Variants in MAST4 observed in about 807,000 individuals in gnomAD.
MAST4 encodes microtubule-associated serine/threonine-protein kinase 4.
In MAST4, 89 loss-of-function variants were observed where a neutral mutation model predicts 162.7. That is an observed-to-expected ratio of 0.55 (90% CI 0.46 to 0.65). MAST4 has a LOEUF of 0.65. Among genes scored for constraint, MAST4 ranks in the 30% least tolerant of loss-of-function variants. The pLI is 0.00. For missense variants in MAST4, 3,153 were observed against 3,374.0 expected, an observed-to-expected ratio of 0.93 and a Z score of 1.62; for synonymous variants, 1,479 against 1,361.1, an observed-to-expected ratio of 1.09 and a Z score of -1.91.
intron 14 of MAST4, among the ~76,000 whole-genome samples, chr5:67,122,113 T>C (rs1767664376): frequency 6.6e-6 from 1 of 152,188 alleles, no homozygotes; most frequent in South Asian, 2.1e-4. Context: ...TTTAGAAGGG[T>C]AATTAATGCA....
intron 4 of MAST4, among the ~76,000 whole-genome samples, chr5:66,913,855 C>CGG (rs1763934208): frequency 2.0e-5 from 3 of 152,198 alleles, no homozygotes; most frequent in Non-Finnish European, 2.9e-5. Flanking sequence ...TCTGCATACA[C>CGG]GTCTCTAATC....
intron 1 of MAST4, among the ~76,000 whole-genome samples, chr5:66,694,057 A>G (rs1264523307): frequency 1.3e-5 from 2 of 152,232 alleles, no homozygotes; most frequent in African/African-American, 4.8e-5. Flanking sequence ...TACAGAGAAG[A>G]TTAAGTTCAA....
At position 67,162,753 on chromosome 5, in the gene MAST4, C is replaced by T; in HGVS notation, c.3932C>T (p.Thr1311Ile). 1 of 1,613,904 alleles carries T rather than the reference C, an allele frequency of 6.2e-7. No homozygotes were observed. Among genetic ancestry groups the T allele is most frequent in the Non-Finnish European group, 8.5e-7 (1 of 1,179,870 alleles). The change falls in exon 28 of 29, where the codon ACA (threonine) becomes ATA (isoleucine). Residue 1311 changes from threonine (T) to isoleucine (I), a missense_variant. Physicochemically the swap from Thr to Ile is moderately conservative, Grantham distance 89 (BLOSUM62 -1). Transcript: ENST00000403625. ...CATAGCTTGTCTCCCCGGTCTCCAA[C>T]ACCAAGCTACCGCTCCACCCCTGAC... ...PTHSLSPRSP[T>I]PSYRSTPDFP... is the part of the protein sequence containing the mutation.
At chr5:66,992,934 T>C (rs1411384859) in intron 4 of MAST4, among the ~76,000 whole-genome samples, 1 of 152,188 alleles carries the variant, frequency 6.6e-6, no homozygotes, top group Non-Finnish European at 1.5e-5. Flanking sequence ...TGGCTGTGTG[T>C]GTTGATCATG....
At chr5:66,865,139 G>A (rs1760414108) in intron 3 of MAST4, among the ~76,000 whole-genome samples, 1 of 152,218 alleles carries the variant, frequency 6.6e-6, no homozygotes, top group Non-Finnish European at 1.5e-5. Context: ...AAACACTGGG[G>A]AAGGTGGATT....
intron 4 of MAST4, among the ~76,000 whole-genome samples, chr5:67,032,661 C>G (rs1351896336): frequency 2.0e-5 from 3 of 152,094 alleles, no homozygotes; most frequent in Admixed American, 6.6e-5. Flanking sequence ...TCTGGTCTGT[C>G]TGGATCAGTG....
intron 4 of MAST4, among the ~76,000 whole-genome samples, chr5:66,944,976 T>G (rs1490357325): frequency 6.6e-6 from 1 of 152,144 alleles, no homozygotes; most frequent in African/African-American, 2.4e-5. Context: ...TCATATCCCA[T>G]CCTTTCCACA....
chr5:66,892,416 G>A (rs1255943064), intron 3 of MAST4, among the ~76,000 whole-genome samples: 1 of 152,090 alleles, frequency 6.6e-6, no homozygotes, highest in African/African-American at 2.4e-5. Flanking sequence ...GTCTGGCACA[G>A]CACCAGCCAT....
At chr5:66,781,219 A>G (rs1298273917) in intron 2 of MAST4, among the ~76,000 whole-genome samples, 1 of 152,176 alleles carries the variant, frequency 6.6e-6, no homozygotes, top group Admixed American at 6.5e-5. Context: ...CAGAAGTGAG[A>G]TTAAGCAAGG....
chr5:67,074,381 A>G (rs895184105), intron 5 of MAST4, among the ~76,000 whole-genome samples: 1 of 152,208 alleles, frequency 6.6e-6, no homozygotes, highest in African/African-American at 2.4e-5. Flanking sequence ...GCAGCTTGAT[A>G]CTTTATGTCA....
intron 14 of MAST4, among the ~76,000 whole-genome samples, chr5:67,121,962 C>T (rs1767648159): frequency 6.6e-6 from 1 of 151,880 alleles, no homozygotes; most frequent in South Asian, 2.1e-4. Context: ...TTAACTCCTA[C>T]ACCAGGATTT....
intron 4 of MAST4, among the ~76,000 whole-genome samples, chr5:66,949,640 T>C (rs913273357): frequency 1.3e-5 from 2 of 152,194 alleles, no homozygotes; most frequent in Non-Finnish European, 2.9e-5. Flanking sequence ...AGTATTTAAT[T>C]ATTTTGGTCA....
At position 67,007,939 on chromosome 5, in the gene MAST4, C is replaced by A. The variant is rs573346993; in HGVS notation, c.675-46465C>A. 2.0e-5 allele frequency among the ~76,000 whole-genome samples: 3 copies of A among 152,326 alleles called. No individual in the cohort carries two copies. In the South Asian group the frequency reaches 6.2e-4, roughly 32 times the overall value. On this transcript the variant is annotated intron_variant, in intron 4 of 28. Coordinates refer to ENST00000403625, the MANE Select transcript of MAST4 (RefSeq NM_001164664.2). ...TCAAAGATGACACAGTACTGATGAA[C>A]TGAAAGACTCTGTCCCTTGTGCTAC...
At chr5:66,791,215 C>T (rs778582998) in intron 3 of MAST4, among the ~76,000 whole-genome samples, 9 of 152,096 alleles carry the variant, frequency 5.9e-5, no homozygotes, top group Non-Finnish European at 8.8e-5. Flanking sequence ...GTAGAGACGG[C>T]GTTTTGCCAC....
intron 16 of MAST4, 47 bp from the exon 17 acceptor site, chr5:67,133,467 C>G: frequency 6.3e-7 from 1 of 1,592,340 alleles, no homozygotes; most frequent in Non-Finnish European, 8.6e-7. Context: ...AAATAGATAA[C>G]CAGCTTATAA....
intron 7 of MAST4, 38 bp downstream of exon 7, chr5:67,095,713 A>C: frequency 2.8e-6 from 4 of 1,431,772 alleles, no homozygotes; most frequent in Non-Finnish European, 2.8e-6. Context: ...TCTCTTCCTC[A>C]CAACAACAGA....
At chr5:67,033,315 C>CTCTCTCTGTGTGTGTG (rs1554084489) in intron 4 of MAST4, among the ~76,000 whole-genome samples, 87 of 125,992 alleles carry the variant, frequency 6.9e-4, no homozygotes, top group African/African-American at 2.6e-3. Flanking sequence ...TTTCATTTCT[C>CTCTCTCTGTGTGTGTG]TGTGTGTGTG....
At chr5:66,672,319 A>T (rs1201295027) in intron 1 of MAST4, among the ~76,000 whole-genome samples, 2 of 152,178 alleles carry the variant, frequency 1.3e-5, no homozygotes, top group African/African-American at 4.8e-5. Flanking sequence ...ATTAAGTGAA[A>T]TGTCCTTCCT....
At chr5:66,990,471 T>C (rs1466837358) in intron 4 of MAST4, among the ~76,000 whole-genome samples, 1 of 152,142 alleles carries the variant, frequency 6.6e-6, no homozygotes, top group East Asian at 1.9e-4. Context: ...ACCTCGTCTC[T>C]ACATAGAATT....
Sources: gnomAD v4.1 joint callset for allele counts (sites outside exome capture counted in the v4.1 genomes callset) on GRCh38, gnomAD v4.1.1 for gene constraint, MANE v1.5 for transcripts, NCBI Gene and HGNC (gene_info 2026-07-23, HGNC 2026-07-21) for gene names.